The following F5 variants were observed in gnomAD, a reference collection of about 807,000 sequenced individuals.
F5 encodes coagulation factor V.
In F5, 138 loss-of-function variants were observed where a neutral mutation model predicts 216.4. That is an observed-to-expected ratio of 0.64 (90% confidence interval 0.56 to 0.73). The LOEUF (loss-of-function observed/expected upper bound fraction) is 0.73, where lower values mean the gene tolerates loss of function less well. F5 is among the 30% of genes least tolerant of loss of function. F5 has a pLI of 0.00. For synonymous variants in F5, 916 were observed against 930.7 expected (o/e 0.98, Z 0.29); for missense variants, 2,403 against 2,674.0 (o/e 0.90, Z 2.24).
At chr1:169,537,420 T>C (rs902286014) in intron 13 of F5, among the ~76,000 whole-genome samples, 1 of 152,196 alleles carries the variant, frequency 6.6e-6, no homozygotes. Flanking sequence ...TTCTTGACAT[T>C]GGTGTGGACA....
chr1:169,577,260 T>C (rs963635973), intron 2 of F5, among the ~76,000 whole-genome samples: 1 of 152,108 alleles, frequency 6.6e-6, no homozygotes, highest in Non-Finnish European at 1.5e-5. Context: ...GAACAATGCA[T>C]TACATAACAC....
At chr1:169,571,542 C>T (rs147628838) in intron 3 of F5, among the ~76,000 whole-genome samples, 26 of 152,254 alleles carry the variant, frequency 1.7e-4, no homozygotes, top group African/African-American at 6.3e-4. Context: ...ACTATTAATG[C>T]TTCTAGTCTC....
At chr1:169,568,232 G>T (rs1461339639) in intron 3 of F5, among the ~76,000 whole-genome samples, 1 of 152,046 alleles carries the variant, frequency 6.6e-6, no homozygotes, top group African/African-American at 2.4e-5. Flanking sequence ...TGTTAATTAA[G>T]TTTAGTATAC....
chr1:169,557,017 GC>G, intron 5 of F5, 150 bp from the exon 6 acceptor site: 1 of 707,468 alleles, frequency 1.4e-6, no homozygotes, highest in South Asian at 1.5e-5. Context: ...TGTAGTTTGT[GC>G]CCTGCAAAAG....
At position 169,546,579 on chromosome 1, in the gene F5, A is replaced by G. The variant is rs1660007252; in HGVS notation, c.1625T>C (p.Ile542Thr). 1 of 1,613,954 alleles carries G rather than the reference A, an allele frequency of 6.2e-7. No homozygotes were observed. The highest frequency in any genetic ancestry group is 1.7e-5 in the Admixed American group (1 of 59,988). ...CACAGCAAACACAGCCTGCTGTTCG[A>G]TGTCTGCTGCCCTCTGGAGGACAAA... ...DRRGIQRAAD[I>T]EQQAVFAVFD... Residue 542 changes from isoleucine (I) to threonine (T), a missense_variant, in exon 11 of 25, where the codon ATC (isoleucine) becomes ACC (threonine). By Grantham distance (89) the Ile-to-Thr change is moderately conservative. This residue lies in a region of F5 where 1,425 missense variants were observed against 1,554.8 expected (regional missense o/e 0.92). Transcript: ENST00000367797.
In F5 at chr1:169,542,022, C is replaced by T. The variant is rs957571473; in HGVS notation, c.3068G>A (p.Ser1023Asn). Reference sequence around the variant, plus strand: ...TTTTCGTGTCTTAATGAGAAACTGGCTTTTCTTCAGTCTACTCTTTCCTCC... The same window carrying T: ...TTTTCGTGTCTTAATGAGAAACTGGTTTTTCTTCAGTCTACTCTTTCCTCC... ...QDGGKSRLKK[S>N]QFLIKTRKKK... is the part of the protein sequence containing the mutation. The change falls in exon 13 of 25, where the codon AGC (serine) becomes AAC (asparagine). Residue 1023 changes from serine to asparagine, a missense_variant. Physicochemically the swap from Ser to Asn is conservative, Grantham distance 46. Coordinates refer to ENST00000367797, the MANE Select transcript of F5 (RefSeq NM_000130.5). 10 of 1,613,892 alleles carry T rather than the reference C, an allele frequency of 6.2e-6. No individual in the cohort carries two copies. Among genetic ancestry groups the T allele is most frequent in the Non-Finnish European group, 1.7e-6 (2 of 1,180,014 alleles).
At chr1:169,584,871 G>C (rs1661068679) in intron 1 of F5, among the ~76,000 whole-genome samples, 1 of 152,196 alleles carries the variant, frequency 6.6e-6, no homozygotes, top group Admixed American at 6.5e-5. Flanking sequence ...CACAGGATGA[G>C]GGGACAGAAT....
chr1:169,568,264 C>G, intron 3 of F5, among the ~76,000 whole-genome samples: 1 of 151,994 alleles, frequency 6.6e-6, no homozygotes, highest in Non-Finnish European at 1.5e-5. Flanking sequence ...GAATTATGAG[C>G]ATCTTGAAAC....
intron 12 of F5, 82 bp downstream of exon 12, chr1:169,544,214 T>C: frequency 8.8e-7 from 1 of 1,140,114 alleles, no homozygotes; most frequent in Non-Finnish European, 1.3e-6. Flanking sequence ...GGAGCACTGG[T>C]AGCCTGGAGA....
chr1:169,529,606 A>G lies in F5; in HGVS notation c.5419+2T>C. On this transcript the variant is annotated splice_donor_variant, in intron 16 of 24. Transcript: ENST00000367797. LOFTEE classifies it high-confidence loss of function. ...GATTAGATCAAAGTCTGAGGAAAAT[A>G]CCGTGAAACTCATGGGATTTTTTCA... The G allele has an allele frequency of 6.2e-7, 1 of 1,612,656 alleles. No homozygotes were observed. Among genetic ancestry groups the G allele is most frequent in the Non-Finnish European group, 8.5e-7 (1 of 1,178,838 alleles).
At chr1:169,516,934 C>G (rs1659168286) in intron 23 of F5, among the ~76,000 whole-genome samples, 1 of 152,114 alleles carries the variant, frequency 6.6e-6, no homozygotes, top group Admixed American at 6.5e-5. Context: ...ATAGAGAGTG[C>G]AAATTTTTTT....
At position 169,541,589 on chromosome 1, in the gene F5, G is replaced by C. The variant is rs771653119; in HGVS notation, c.3501C>G (p.Pro1167=). The change falls in exon 13 of 25, where the codon CCC becomes CCG. Residue 1167 remains proline (P), a synonymous_variant. Coordinates refer to ENST00000367797, the MANE Select transcript of F5 (RefSeq NM_000130.5). Reference sequence around the variant, plus strand: ...AAGGGGACATTTGACTTATATCTGTGGGGAAGGACTTGTGACTTCGGTCAT... The same window carrying C: ...AAGGGGACATTTGACTTATATCTGTCGGGAAGGACTTGTGACTTCGGTCAT... The part of the protein sequence containing the change: ...LEYDRSHKSF[P]TDISQMSPSS... 3 of 1,614,152 alleles carry C rather than the reference G, an allele frequency of 1.9e-6. No individual in the cohort carries two copies. The Admixed American group carries it at 5.0e-5, about 27-fold the overall frequency.
At position 169,542,227 on chromosome 1, in the gene F5, TA is replaced by T. The variant is rs765982916; in HGVS notation, c.2862del (p.Ser955AlafsTer4). 2.4e-5 allele frequency: 39 copies of T among 1,614,108 alleles called. No homozygotes were observed. The South Asian group carries it at 2.9e-4, about 12-fold the overall frequency. ...TCAGTATCTTGGATTATTTCATAGC[TA>T]CCTTTCTCAGAAGCCAAATGCCATC... is the stretch of plus-strand genomic sequence containing the variant. ...VGRWHLASEK[G>X]SYEIIQDTDE... On this transcript the variant is annotated frameshift_variant, in exon 13 of 25. Transcript: ENST00000367797. LOFTEE classifies it high-confidence loss of function.
chr1:169,545,797 G>A (rs1659985031), intron 11 of F5, among the ~76,000 whole-genome samples: 2 of 152,182 alleles, frequency 1.3e-5, no homozygotes, highest in Admixed American at 1.3e-4. Flanking sequence ...AGGATCAGTA[G>A]GGGGACCCTG....
intron 2 of F5, 110 bp downstream of exon 2, chr1:169,582,321 A>AAG (rs397689163): frequency 3.3e-6 from 2 of 612,050 alleles, no homozygotes; most frequent in Non-Finnish European, 5.7e-6. Context: ...TAAAAAAAAA[A>AAG]CCACACGTTT....
Position 169,542,099 on chromosome 1 carries a change from G to A in F5, c.2991C>T (p.Gly997=), listed in dbSNP as rs967527903. Residue 997 remains glycine, a synonymous_variant, in exon 13 of 25, where the codon GGC becomes GGT. Coordinates refer to ENST00000367797, the MANE Select transcript of F5 (RefSeq NM_000130.5). The stretch of plus-strand genomic sequence containing the variant: ...GTCTAACTCTAGGAAACTTTGGGTG[G>A]CCACTCTGCTTTCCAGGCTTGTTGG... ...PLANKPGKQS[G]HPKFPRVRHK... 1 of 1,613,978 alleles carries A rather than the reference G, an allele frequency of 6.2e-7. No individual in the cohort carries two copies. The highest frequency in any genetic ancestry group is 8.5e-7 in the Non-Finnish European group (1 of 1,179,984).
chr1:169,579,989 T>C (rs1001368398), intron 2 of F5, among the ~76,000 whole-genome samples: 10 of 152,120 alleles, frequency 6.6e-5, no homozygotes, highest in Non-Finnish European at 7.3e-5. Context: ...TTCCCTGAAG[T>C]TTGTGGTCCA....
intron 16 of F5, 132 bp from the exon 17 acceptor site, chr1:169,528,226 T>C (rs1250246641): frequency 6.4e-6 from 7 of 1,087,232 alleles, no homozygotes; most frequent in Non-Finnish European, 9.5e-6. Flanking sequence ...TACCTAGCCA[T>C]GGAAAGGGCC....
At chr1:169,561,011 A>G (rs1007989121) in intron 3 of F5, among the ~76,000 whole-genome samples, 5 of 152,208 alleles carry the variant, frequency 3.3e-5, no homozygotes, top group Non-Finnish European at 7.3e-5. Flanking sequence ...TTAGCAAGTT[A>G]ATTTTCCAGG....
Sources: gnomAD v4.1 joint callset for allele counts (sites outside exome capture counted in the v4.1 genomes callset) on GRCh38, gnomAD v4.1.1 for gene constraint, gnomAD v4.1.1 regional missense constraint, MANE v1.5 for transcripts, NCBI Gene and HGNC (gene_info 2026-07-23, HGNC 2026-07-21) for gene names.